IRAG1: variants seen among roughly 807,000 people sequenced by gnomAD.
IRAG1 encodes the protein inositol 1,4,5-triphosphate receptor associated 1, also known as IP3R-associated cGMP kinase substrate.
IRAG1 carries 62 observed loss-of-function variants against 106.2 expected under a neutral mutation model. That is an observed-to-expected ratio of 0.58 (90% CI 0.48 to 0.72). IRAG1 has a LOEUF of 0.72. Ranked by LOEUF, IRAG1 falls within the 30% of genes least tolerant of loss-of-function variation. IRAG1 has a pLI of 0.00. For missense variants in IRAG1, 1,064 were observed against 1,140.7 expected (o/e 0.93, Z 0.97); for synonymous variants, 462 against 443.9 (o/e 1.04, Z -0.51).
At chr11:10,662,066 T>C (rs1312746864) in intron 1 of IRAG1, among the ~76,000 whole-genome samples, 4 of 152,186 alleles carry the variant, frequency 2.6e-5, no homozygotes, top group East Asian at 3.9e-4. Context: ...TAAATGTTTA[T>C]TGAGTTAATA....
At chr11:10,640,033 T>C (rs1232238752) in intron 2 of IRAG1, among the ~76,000 whole-genome samples, 1 of 152,180 alleles carries the variant, frequency 6.6e-6, no homozygotes, top group Non-Finnish European at 1.5e-5. Context: ...TTCCCATTCA[T>C]TAGCATGAAG....
chr11:10,576,943 G>A (rs769991418), intron 20 of IRAG1, among the ~76,000 whole-genome samples: 14 of 152,248 alleles, frequency 9.2e-5, no homozygotes, highest in South Asian at 2.1e-4. Context: ...TCCCAAGCCC[G>A]GGGGTACAGG....
intron 18 of IRAG1, 141 bp from the exon 19 acceptor site, chr11:10,582,127 C>T (rs1357717942): frequency 1.8e-6 from 2 of 1,090,862 alleles, no homozygotes; most frequent in East Asian, 2.8e-5. Context: ...TTTCCCAATC[C>T]TTCTACCCTG....
At chr11:10,684,602 T>TATAACA (rs377603657) in intron 1 of IRAG1, among the ~76,000 whole-genome samples, 3,385 of 138,910 alleles carry the variant, frequency 0.024, 118 homozygotes, top group African/African-American at 0.071. Flanking sequence ...AAACTTAAAG[T>TATAACA]ATAATAATAA....
At chr11:10,626,726 G>A in intron 8 of IRAG1, 143 bp from the exon 9 acceptor site, 7 of 982,240 alleles carry the variant, frequency 7.1e-6, no homozygotes, top group South Asian at 4.5e-5. Flanking sequence ...ATGAGTGGAC[G>A]ATGTGGAAGG....
At chr11:10,625,079 A>C (rs1856133951) in intron 9 of IRAG1, among the ~76,000 whole-genome samples, 1 of 152,174 alleles carries the variant, frequency 6.6e-6, no homozygotes, top group Non-Finnish European at 1.5e-5. Context: ...GAGCATCATG[A>C]AGGTATCTGA....
intron 1 of IRAG1, chr11:10,652,427 TC>T (rs1858600826): frequency 3.0e-6 from 3 of 1,001,982 alleles, no homozygotes; most frequent in Non-Finnish European, 4.2e-6. Flanking sequence ...AACACAGCTA[TC>T]CCAGAAGGGA....
intron 10 of IRAG1, among the ~76,000 whole-genome samples, chr11:10,623,306 C>G (rs919995978): frequency 1.3e-5 from 2 of 152,170 alleles, no homozygotes; most frequent in African/African-American, 4.8e-5. Flanking sequence ...TTTTCAGAAC[C>G]ATTTTCCCCG....
chr11:10,580,387 C>T (rs2134081716), intron 20 of IRAG1, 68 bp downstream of exon 20: 2 of 1,565,028 alleles, frequency 1.3e-6, no homozygotes, highest in Middle Eastern at 3.5e-4. Context: ...GGATTTTGTG[C>T]ATTTAAATTA....
chr11:10,630,783 G>A (rs762969983), intron 4 of IRAG1, among the ~76,000 whole-genome samples: 8 of 152,136 alleles, frequency 5.3e-5, no homozygotes, highest in Non-Finnish European at 8.8e-5. Flanking sequence ...CACCTCCATC[G>A]GGTTCCATTC....
At chr11:10,641,060 C>T (rs1241502913) in intron 2 of IRAG1, among the ~76,000 whole-genome samples, 5 of 152,110 alleles carry the variant, frequency 3.3e-5, no homozygotes, top group Admixed American at 2.0e-4. Context: ...CTCTCTCTCT[C>T]GACTGAATCT....
At chr11:10,610,191 A>C (rs1854825906) in intron 10 of IRAG1, among the ~76,000 whole-genome samples, 1 of 152,238 alleles carries the variant, frequency 6.6e-6, no homozygotes, top group African/African-American at 2.4e-5. Flanking sequence ...CTCTTTGGCT[A>C]TAATGTTTGG....
At chr11:10,595,906 A>C (rs1853250706) in intron 15 of IRAG1, 1 of 152,054 alleles carries the variant, frequency 6.6e-6, no homozygotes. Context: ...GGCCATATGT[A>C]CTCAATGTCT....
Position 10,634,069 on chromosome 11 carries a change from A to T in IRAG1, c.228T>A (p.Gly76=). 6.9e-6 allele frequency: 11 copies of T among 1,599,478 alleles called. No individual in the cohort carries two copies. Among genetic ancestry groups the T allele is most frequent in the Non-Finnish European group, 9.4e-6 (11 of 1,170,524 alleles). ...PQAAQSPAGQ[G]PPAAGVSCSP... is the part of the protein sequence containing the mutation. ...TGCAAGATACTCCTGCGGCAGGAGG[A>T]CCCTGCCGGTTTAGAACAAAAACAC... Residue 76 remains glycine, a splice_region_variant and synonymous_variant, in exon 3 of 21, where the codon GGT becomes GGA. Transcript: ENST00000423302.
chr11:10,689,872 C>T (rs1407351428), intron 1 of IRAG1, among the ~76,000 whole-genome samples: 1 of 152,128 alleles, frequency 6.6e-6, no homozygotes, highest in Non-Finnish European at 1.5e-5. Flanking sequence ...GAATGGTATT[C>T]TAGAGGGTTT....
At chr11:10,690,360 G>A (rs1462401353) in intron 1 of IRAG1, 62 of 1,277,210 alleles carry the variant, frequency 4.9e-5, no homozygotes, top group Non-Finnish European at 5.8e-5. Context: ...GTGACAGTGC[G>A]AGACCCTGTC....
At chr11:10,674,670 G>A (rs1860508533) in intron 1 of IRAG1, among the ~76,000 whole-genome samples, 1 of 152,158 alleles carries the variant, frequency 6.6e-6, no homozygotes, top group African/African-American at 2.4e-5. Flanking sequence ...ATCACATGTT[G>A]CCCCTTCCCC....
intron 1 of IRAG1, 55 bp downstream of exon 1, chr11:10,693,481 C>G: frequency 1.3e-6 from 2 of 1,534,160 alleles, no homozygotes; most frequent in South Asian, 2.4e-5. Flanking sequence ...AGAGAAGGTT[C>G]CCTCCGCTTC....
At chr11:10,591,761 G>T in intron 17 of IRAG1, 149 bp from the exon 18 acceptor site, 1 of 740,420 alleles carries the variant, frequency 1.4e-6, no homozygotes. Flanking sequence ...CTGAGCCCAG[G>T]ACTTGGCCCT....
Sources: gnomAD v4.1 joint callset for allele counts (sites outside exome capture counted in the v4.1 genomes callset) on GRCh38, gnomAD v4.1.1 for gene constraint, MANE v1.5 for transcripts, NCBI Gene and HGNC (gene_info 2026-07-23, HGNC 2026-07-21) for gene names.